Variants in CCDC91 observed in about 807,000 individuals in gnomAD.
The protein encoded by CCDC91 is coiled-coil domain containing 91.
Under a neutral mutation model 63.2 loss-of-function variants are expected in CCDC91, and 48 were observed. The observed-to-expected ratio is 0.76, with a 90% CI of 0.60 to 0.97. CCDC91 has a LOEUF of 0.97. Among genes scored for constraint, CCDC91 ranks in the 50% least tolerant of loss-of-function variants. The pLI is 0.00. For missense variants in CCDC91, 500 were observed against 494.6 expected (o/e 1.01, Z -0.10); for synonymous variants, 167 against 165.8 (o/e 1.01, Z -0.06).
At chr12:28,292,597 T>C (rs540099419) in intron 3 of CCDC91, among the ~76,000 whole-genome samples, 1 of 152,206 alleles carries the variant, frequency 6.6e-6, no homozygotes, top group South Asian at 2.1e-4. Flanking sequence ...TATCTAGCTC[T>C]AAGTATATGT....
At chr12:28,524,579 T>G (rs1311768500) in intron 12 of CCDC91, among the ~76,000 whole-genome samples, 4 of 152,134 alleles carry the variant, frequency 2.6e-5, no homozygotes, top group Non-Finnish European at 4.4e-5. Context: ...GTTGTATCCT[T>G]TCCTGATTTA....
chr12:28,299,862 T>C (rs996863703), intron 3 of CCDC91, among the ~76,000 whole-genome samples: 12 of 151,528 alleles, frequency 7.9e-5, no homozygotes, highest in African/African-American at 2.9e-4. Flanking sequence ...TCCCTCTAGG[T>C]TTTAAATGTT....
chr12:28,536,663 C>T (rs1233370343), intron 12 of CCDC91, among the ~76,000 whole-genome samples: 1 of 152,122 alleles, frequency 6.6e-6, no homozygotes, highest in Non-Finnish European at 1.5e-5. Context: ...AATGAGTTAG[C>T]ATGTGTAAAT....
chr12:28,331,164 C>A (rs1941474109), intron 6 of CCDC91, among the ~76,000 whole-genome samples: 1 of 152,148 alleles, frequency 6.6e-6, no homozygotes, highest in South Asian at 2.1e-4. Flanking sequence ...TCATTGATTT[C>A]CTTTTATATT....
intron 12 of CCDC91, among the ~76,000 whole-genome samples, chr12:28,539,378 T>G (rs1167734926): frequency 6.6e-6 from 1 of 152,160 alleles, no homozygotes; most frequent in Admixed American, 6.6e-5. Flanking sequence ...TTTCCCCATT[T>G]CTTGTTTTTG....
intron 3 of CCDC91, among the ~76,000 whole-genome samples, chr12:28,292,837 G>T (rs1167012131): frequency 6.6e-6 from 1 of 152,030 alleles, no homozygotes; most frequent in Non-Finnish European, 1.5e-5. Context: ...GTACACTTGG[G>T]CAAAGTGCCC....
chr12:28,323,152 G>C (rs1940677869), intron 6 of CCDC91, among the ~76,000 whole-genome samples: 1 of 150,982 alleles, frequency 6.6e-6, no homozygotes, highest in South Asian at 2.1e-4. Context: ...TTTTAGTAAT[G>C]GTGTATACTG....
At chr12:28,366,651 T>C (rs1944293672) in intron 7 of CCDC91, among the ~76,000 whole-genome samples, 1 of 152,144 alleles carries the variant, frequency 6.6e-6, no homozygotes, top group Non-Finnish European at 1.5e-5. Context: ...TCTAGGAAAC[T>C]AGACTTCTGC....
intron 6 of CCDC91, among the ~76,000 whole-genome samples, chr12:28,351,012 CTG>C (rs1241697793): frequency 6.6e-6 from 1 of 152,184 alleles, no homozygotes; most frequent in African/African-American, 2.4e-5. Context: ...ACAATGCAAT[CTG>C]TTACCGTGTT....
chr12:28,210,458 T>G (rs1323633592), intron 1 of CCDC91, among the ~76,000 whole-genome samples: 1 of 152,204 alleles, frequency 6.6e-6, no homozygotes, highest in East Asian at 1.9e-4. Context: ...AGAAGATTAT[T>G]ACAGTTGTTG....
chr12:28,518,265 T>A (rs1940180163), intron 12 of CCDC91, among the ~76,000 whole-genome samples: 1 of 152,046 alleles, frequency 6.6e-6, no homozygotes, highest in Non-Finnish European at 1.5e-5. Flanking sequence ...TGTAGAAGTG[T>A]TCTCTGTTCA....
chr12:28,446,578 T>C (rs762073980), intron 8 of CCDC91, among the ~76,000 whole-genome samples: 5 of 152,150 alleles, frequency 3.3e-5, no homozygotes, highest in Non-Finnish European at 4.4e-5. Flanking sequence ...TCCTCCCAAC[T>C]TAGCCTCCCA....
intron 1 of CCDC91, among the ~76,000 whole-genome samples, chr12:28,208,448 A>G (rs180882584): frequency 6.6e-6 from 1 of 152,284 alleles, no homozygotes; most frequent in Admixed American, 6.5e-5. Context: ...TTTTATTTTG[A>G]TAAAGTTTCC....
intron 3 of CCDC91, among the ~76,000 whole-genome samples, chr12:28,260,462 G>A (rs1336099377): frequency 6.6e-6 from 1 of 151,966 alleles, no homozygotes; most frequent in Non-Finnish European, 1.5e-5. Flanking sequence ...TTTGAGGGCT[G>A]TGTGTTATTT....
At chr12:28,527,000 C>T (rs890462998) in intron 12 of CCDC91, among the ~76,000 whole-genome samples, 2 of 152,000 alleles carry the variant, frequency 1.3e-5, no homozygotes, top group African/African-American at 4.8e-5. Flanking sequence ...GAATAGTTCT[C>T]CTTTCACTTC....
At chr12:28,409,837 C>G (rs115233211) in intron 8 of CCDC91, among the ~76,000 whole-genome samples, 2 of 151,768 alleles carry the variant, frequency 1.3e-5, no homozygotes, top group African/African-American at 2.4e-5. Flanking sequence ...CTAAATATGT[C>G]GGTGTTTTTC....
At chr12:28,527,193 C>G (rs1196763088) in intron 12 of CCDC91, among the ~76,000 whole-genome samples, 1 of 151,922 alleles carries the variant, frequency 6.6e-6, no homozygotes, top group Non-Finnish European at 1.5e-5. Flanking sequence ...TGTTTTTTCC[C>G]ATTACCAGGG....
At chr12:28,267,208 T>A (rs1195728335) in intron 3 of CCDC91, among the ~76,000 whole-genome samples, 1 of 151,878 alleles carries the variant, frequency 6.6e-6, no homozygotes, top group Non-Finnish European at 1.5e-5. Flanking sequence ...CATCCCAATA[T>A]CTTCCAGGCA....
At chr12:28,214,977 A>G (rs988814034) in intron 1 of CCDC91, among the ~76,000 whole-genome samples, 3 of 152,152 alleles carry the variant, frequency 2.0e-5, no homozygotes, top group Admixed American at 6.6e-5. Context: ...TGTCTTTGAG[A>G]GTATTTTTGG....
Sources: allele counts gnomAD v4.1 joint callset (sites outside exome capture counted in the v4.1 genomes callset), GRCh38; gene constraint gnomAD v4.1.1; transcripts MANE v1.5; gene names NCBI Gene and HGNC (gene_info 2026-07-23, HGNC 2026-07-21).